Variants in CPLANE1 observed in about 807,000 individuals in gnomAD.
CPLANE1 encodes ciliogenesis and planar polarity effector complex subunit 1, also known as ciliogenesis and planar polarity effector 1.
Under a neutral mutation model 362.5 loss-of-function variants are expected in CPLANE1, and 263 were observed. The ratio of observed to expected loss-of-function variants is 0.73; its 90% CI spans 0.66 to 0.80. The LOEUF (loss-of-function observed/expected upper bound fraction) is 0.80, where lower values mean the gene tolerates loss of function less well. Among genes scored for constraint, CPLANE1 ranks in the 30% least tolerant of loss-of-function variants. The pLI, the probability that CPLANE1 is intolerant of heterozygous loss-of-function variation, is 0.00. For missense variants in CPLANE1, 3,461 were observed against 3,793.4 expected (o/e 0.91, Z 2.30); for synonymous variants, 1,212 against 1,302.6 (o/e 0.93, Z 1.50).
intron 43 of CPLANE1, among the ~76,000 whole-genome samples, chr5:37,145,401 A>G (rs981171914): frequency 6.6e-6 from 1 of 152,168 alleles, no homozygotes; most frequent in African/African-American, 2.4e-5. Context: ...TGGGAGGTAG[A>G]TATATTCACC....
Position 37,247,641 on chromosome 5 carries a change from G to A in CPLANE1, c.58C>T (p.Pro20Ser), listed in dbSNP as rs1740182654. ...STGIKQKKPWPRVSWLGKEKE... is the reference protein window; with the variant it reads ...STGIKQKKPWSRVSWLGKEKE... The stretch of plus-strand genomic sequence containing the variant: ...ACCTTTCCCAACCAGGAGACACGTG[G>A]CCATGGTTTTTTCTGCTTAATACCT... The change falls in exon 2 of 53, where the codon CCA (proline) becomes TCA (serine). Residue 20 changes from proline to serine, a missense_variant. By Grantham distance (74) the Pro-to-Ser change is moderately conservative. Transcript: ENST00000651892. 3 of 1,551,068 alleles carry A rather than the reference G, an allele frequency of 1.9e-6. No homozygotes were observed. Among genetic ancestry groups the A allele is most frequent in the Non-Finnish European group, 2.6e-6 (3 of 1,146,484 alleles).
chr5:37,164,122 C>A, intron 37 of CPLANE1, 151 bp downstream of exon 37: 3 of 582,940 alleles, frequency 5.1e-6, no homozygotes, highest in Non-Finnish European at 6.2e-6. Flanking sequence ...AATTATCAAA[C>A]CTGAGTTGAG....
chr5:37,138,542 C>G (rs529617725), intron 46 of CPLANE1, 178 bp downstream of exon 46: 1 of 741,486 alleles, frequency 1.3e-6, no homozygotes, highest in East Asian at 2.7e-5. Context: ...CAGTTATATA[C>G]TATATATTGT....
At chr5:37,148,041 T>A in intron 43 of CPLANE1, 140 bp downstream of exon 43, 1 of 250,920 alleles carries the variant, frequency 4.0e-6, no homozygotes, top group Non-Finnish European at 7.5e-6. Context: ...AAAATAATCC[T>A]AATCTAAAAA....
In CPLANE1 at chr5:37,227,071, A is replaced by C. The variant is rs1580897251; in HGVS notation, c.1524T>G (p.Asp508Glu). ...CTTCGTTAGTTTCTTCTGCTTCAAA[A>C]TCCTAAAACATGAGGGGAAAAAAAT... ...TINENAADFQDFEAEETNEGR... is the reference protein window; with the variant it reads ...TINENAADFQEFEAEETNEGR... The change falls in exon 12 of 53, where the codon GAT (aspartate) becomes GAG (glutamate). Residue 508 changes from aspartate to glutamate, a missense_variant and splice_region_variant. Physicochemically the swap from Asp to Glu is conservative, Grantham distance 45. Around this residue, in one of 2 missense-constraint regions of CPLANE1, gnomAD observed 3,380 missense variants for 3,666.1 expected, o/e 0.92. Coordinates refer to ENST00000651892, the MANE Select transcript of CPLANE1 (RefSeq NM_001384732.1). The C allele has an allele frequency of 2.6e-6, 4 of 1,539,230 alleles. No individual in the cohort carries two copies. In the Admixed American group the frequency reaches 8.2e-5, roughly 32 times the overall value.
chr5:37,159,903 C>T (rs1292407381), intron 38 of CPLANE1, among the ~76,000 whole-genome samples: 2 of 152,078 alleles, frequency 1.3e-5, no homozygotes, highest in African/African-American at 4.8e-5. Context: ...CTTGGTACCA[C>T]ATTCAGAAAC....
At chr5:37,201,545 CA>C (rs1168081834) in intron 19 of CPLANE1, 45 bp downstream of exon 19, 51 of 1,476,772 alleles carry the variant, frequency 3.5e-5, no homozygotes, top group Non-Finnish European at 4.6e-5. Context: ...AAAAACTTGA[CA>C]AAATCAACTT....
In CPLANE1 at chr5:37,180,906, C is replaced by T. The variant is rs1782506691; in HGVS notation, c.5521G>A (p.Gly1841Arg). The T allele has an allele frequency of 6.2e-7, 1 of 1,613,946 alleles. No individual in the cohort carries two copies. The highest frequency in any genetic ancestry group is 1.3e-5 in the African/African-American group (1 of 74,914). Residue 1841 changes from glycine to arginine, a missense_variant, in exon 27 of 53, where the codon GGA becomes AGA. Around this residue, in one of 2 missense-constraint regions of CPLANE1, gnomAD observed 3,380 missense variants for 3,666.1 expected, o/e 0.92. Coordinates refer to ENST00000651892, the MANE Select transcript of CPLANE1 (RefSeq NM_001384732.1). Reference protein sequence around the residue: ...GGSVAVATPGGTEERNGQNKS... With the variant: ...GGSVAVATPGRTEERNGQNKS... The stretch of plus-strand genomic sequence containing the variant: ...TTCTGACCATTTCTTTCCTCAGTTC[C>T]ACCTGGAGTTGCTACTGCAACTGAA...
chr5:37,085,913 T>G, the CPLANE1 span: 1 of 735,602 alleles, frequency 1.4e-6, no homozygotes. Flanking sequence ...TGGCAGGAAT[T>G]AATAGGAAAA....
chr5:37,101,225 A>G, the CPLANE1 span, among the ~76,000 whole-genome samples: 58 of 152,182 alleles, frequency 3.8e-4, no homozygotes, highest in Non-Finnish European at 6.0e-4. Context: ...CCCATTCAGT[A>G]TGATACTGGC....
At chr5:37,246,284 C>T (rs1342395253) in intron 2 of CPLANE1, 1 of 151,678 alleles carries the variant, frequency 6.6e-6, no homozygotes, top group Non-Finnish European at 1.5e-5. Flanking sequence ...CTGACCTGGA[C>T]CAGTTCACCA....
chr5:37,245,855 G>A lies in CPLANE1; in HGVS notation c.82-10C>T, dbSNP rs778956357. On this transcript the variant is annotated splice_polypyrimidine_tract_variant and intron_variant, in intron 2 of 52. Coordinates refer to ENST00000651892, the MANE Select transcript of CPLANE1 (RefSeq NM_001384732.1). ...AAACGGCTTCTTTTTCCTAAGAGAA[G>A]AAACATGTGAAGGACTCAAGAGGTG... 1.5e-5 allele frequency: 23 copies of A among 1,508,664 alleles called. No individual in the cohort carries two copies. The African/African-American group carries it at 3.1e-4, about 20-fold the overall frequency. The allele number at this position is 1,508,664 out of a possible 1,614,324, so 93.5% of individuals were successfully genotyped here.
In CPLANE1 at chr5:37,190,149, T is replaced by C. The variant is rs182842276; in HGVS notation, c.3812-2307A>G. Among the ~76,000 whole-genome samples the C allele has an allele frequency of 7.1e-4, 108 of 152,230 alleles. 1 individual carries two copies. The highest frequency in any genetic ancestry group is 2.6e-4 in the Non-Finnish European group (18 of 68,004). ...TATTTTAAATCATGGTCAAAAATGT[T>C]TGAATACCAAAAAGATGTAACCAAC... On this transcript the variant is annotated intron_variant, in intron 21 of 52. Transcript: ENST00000651892.
chr5:37,197,058 A>C (rs16903531), intron 20 of CPLANE1, among the ~76,000 whole-genome samples: 27,709 of 152,124 alleles, frequency 0.18, 3,001 homozygotes, highest in East Asian at 0.38. Context: ...AACGACACTA[A>C]ATGAAGAAAC....
chr5:37,244,287 A>G (rs925409397), intron 5 of CPLANE1, 88 bp downstream of exon 5: 1 of 735,128 alleles, frequency 1.4e-6, no homozygotes, highest in Non-Finnish European at 2.0e-6. Flanking sequence ...AATTACTATG[A>G]AAATTTATGG....
chr5:37,176,024 T>C (rs141708727), intron 30 of CPLANE1, 38 bp from the exon 31 acceptor site: 131 of 1,377,642 alleles, frequency 9.5e-5, no homozygotes, highest in African/African-American at 4.9e-4. Flanking sequence ...GTAAGCAAGA[T>C]ATTCTTTGCA....
chr5:37,180,865 A>G lies in CPLANE1; in HGVS notation c.5562T>C (p.Asn1854=). ...ERNGQNKSCQ[N]ILNRMPTEAK... ...TATAATCGGCAACTTACTTCAAGAT[A>G]TTTTGACAAGATTTATTCTGACCAT... Residue 1854 remains asparagine, a synonymous_variant, in exon 27 of 53, where the codon AAT becomes AAC. Coordinates refer to ENST00000651892, the MANE Select transcript of CPLANE1 (RefSeq NM_001384732.1). 1 of 1,613,980 alleles carries G rather than the reference A, an allele frequency of 6.2e-7. No individual in the cohort carries two copies. The highest frequency in any genetic ancestry group is 8.5e-7 in the Non-Finnish European group (1 of 1,179,914).
In CPLANE1 at chr5:37,197,944, T is replaced by A. The variant is rs1043345358; in HGVS notation, c.3672+758A>T. Among the ~76,000 whole-genome samples, 3 of 152,200 alleles carry A rather than the reference T, an allele frequency of 2.0e-5. No homozygotes were observed. In the East Asian group the frequency reaches 5.8e-4, roughly 29 times the overall value. On this transcript the variant is annotated intron_variant, in intron 20 of 52. Coordinates refer to ENST00000651892, the MANE Select transcript of CPLANE1 (RefSeq NM_001384732.1). ...TTCAGTTTCCATTGTGTTTCAAAAA[T>A]ACTTTTAGATAACTTATCAAAGTTA... is the stretch of plus-strand genomic sequence containing the variant.
chr5:37,231,359 C>T (rs1048422204), intron 8 of CPLANE1, among the ~76,000 whole-genome samples: 1 of 152,122 alleles, frequency 6.6e-6, no homozygotes, highest in African/African-American at 2.4e-5. Context: ...GCAGGCGGAT[C>T]AACTGAGGTC....
Sources: allele counts gnomAD v4.1 joint callset (sites outside exome capture counted in the v4.1 genomes callset), GRCh38; gene constraint gnomAD v4.1.1; regional missense constraint gnomAD v4.1.1; transcripts MANE v1.5; gene names NCBI Gene and HGNC (gene_info 2026-07-23, HGNC 2026-07-21).